RHOT1: variants seen among roughly 807,000 people sequenced by gnomAD.
RHOT1 encodes ras homolog family member T1.
In RHOT1, 27 loss-of-function variants were observed where a neutral mutation model predicts 95.3. The ratio of observed to expected loss-of-function variants is 0.28; its 90% CI spans 0.21 to 0.39. RHOT1 has a LOEUF of 0.39. Among genes scored for constraint, RHOT1 ranks in the 10% least tolerant of loss-of-function variants. The pLI is 1.00. For missense variants in RHOT1, 578 were observed against 786.7 expected, an observed-to-expected ratio of 0.73 and a Z score of 3.17; for synonymous variants, 227 against 263.5, an observed-to-expected ratio of 0.86 and a Z score of 1.34.
intron 14 of RHOT1, among the ~76,000 whole-genome samples, 169 bp downstream of exon 14, chr17:32,201,225 A>C (rs893174431): frequency 2.0e-5 from 3 of 152,096 alleles, no homozygotes; most frequent in African/African-American, 7.2e-5. Context: ...GCTTGATTTT[A>C]TTGTTTATGA....
intron 3 of RHOT1, 147 bp from the exon 4 acceptor site, chr17:32,175,172 C>G: frequency 1.5e-6 from 1 of 655,960 alleles, no homozygotes; most frequent in Non-Finnish European, 2.7e-6. Context: ...CGTAGTTGAA[C>G]CTTTTCCTTC....
At chr17:32,144,614 G>A (rs1174104238) in intron 1 of RHOT1, among the ~76,000 whole-genome samples, 1 of 152,162 alleles carries the variant, frequency 6.6e-6, no homozygotes, top group Admixed American at 6.5e-5. Context: ...CTGGGAGGCT[G>A]AGGCAGGAGG....
intron 1 of RHOT1, among the ~76,000 whole-genome samples, chr17:32,148,341 A>G (rs926067481): frequency 3.9e-5 from 6 of 152,238 alleles, no homozygotes; most frequent in Non-Finnish European, 8.8e-5. Flanking sequence ...CTGTCTTTAA[A>G]TGCAGAGAAA....
At chr17:32,156,854 C>T (rs374804631) in intron 1 of RHOT1, among the ~76,000 whole-genome samples, 2 of 152,242 alleles carry the variant, frequency 1.3e-5, no homozygotes, top group East Asian at 3.8e-4. Flanking sequence ...ATTGTCATGA[C>T]ATTTACCATT....
chr17:32,166,079 T>C (rs1379804457), intron 1 of RHOT1, among the ~76,000 whole-genome samples: 1 of 150,952 alleles, frequency 6.6e-6, no homozygotes. Context: ...TCTCAGCCAC[T>C]CGAGTGGCTG....
intron 1 of RHOT1, among the ~76,000 whole-genome samples, chr17:32,153,355 G>A (rs2032555139): frequency 6.6e-6 from 1 of 152,156 alleles, no homozygotes; most frequent in Admixed American, 6.6e-5. Context: ...TGAGAATATG[G>A]AGATATTTGA....
chr17:32,165,538 T>TGG (rs1490828179), intron 1 of RHOT1, among the ~76,000 whole-genome samples: 1 of 151,720 alleles, frequency 6.6e-6, no homozygotes, highest in Non-Finnish European at 1.5e-5. Context: ...AAAAAAAAGT[T>TGG]ACTGATCTTT....
intron 8 of RHOT1, among the ~76,000 whole-genome samples, chr17:32,184,274 C>G (rs2035864026): frequency 1.3e-5 from 2 of 152,110 alleles, no homozygotes; most frequent in South Asian, 4.1e-4. Flanking sequence ...CACCACCAGT[C>G]TACCTTCTGT....
intron 1 of RHOT1, chr17:32,142,959 G>A (rs943446600): frequency 5.6e-5 from 40 of 715,194 alleles, no homozygotes; most frequent in Non-Finnish European, 9.4e-5. Flanking sequence ...GCCCTCCAGA[G>A]ATCTCCTTTC....
At chr17:32,163,146 T>C (rs1160989677) in intron 1 of RHOT1, among the ~76,000 whole-genome samples, 4 of 152,188 alleles carry the variant, frequency 2.6e-5, no homozygotes, top group Non-Finnish European at 4.4e-5. Flanking sequence ...AGAAAGCGTT[T>C]GATCAGGTGA....
chr17:32,219,704 A>G (rs1466514188), intron 19 of RHOT1, among the ~76,000 whole-genome samples: 2 of 152,228 alleles, frequency 1.3e-5, no homozygotes, highest in African/African-American at 4.8e-5. Flanking sequence ...GGAGAACTTG[A>G]CGTCTGATAC....
chr17:32,208,347 T>TATGAAC, intron 18 of RHOT1, 38 bp downstream of exon 18: 1 of 1,550,166 alleles, frequency 6.5e-7, no homozygotes, highest in Non-Finnish European at 8.9e-7. Context: ...GTTGCATGGT[T>TATGAAC]CATAACATTG....
At chr17:32,200,017 A>G (rs1447125026) in intron 13 of RHOT1, among the ~76,000 whole-genome samples, 2 of 145,638 alleles carry the variant, frequency 1.4e-5, no homozygotes, top group Non-Finnish European at 3.0e-5. Flanking sequence ...ATCTTGGCTC[A>G]CTGCAACTCT....
intron 1 of RHOT1, chr17:32,150,940 G>A: frequency 1.3e-6 from 2 of 1,549,964 alleles, no homozygotes; most frequent in South Asian, 2.4e-5. Context: ...AAGGTATCTG[G>A]TTTGGTTGCT....
chr17:32,193,061 G>C, intron 9 of RHOT1, 75 bp from the exon 10 acceptor site: 1 of 879,662 alleles, frequency 1.1e-6, no homozygotes, highest in East Asian at 2.6e-5. Context: ...ATATTGCTTT[G>C]TAGATTATCA....
At position 32,181,902 on chromosome 17, in the gene RHOT1, G is replaced by C. The variant is rs73286154; in HGVS notation, c.330-855G>C. ...TTTTCTCTTTACTCAGTACTCTGTAGCCATTCTGGCATTTTCCTGTTGTTT... is the reference window on the plus strand; with the variant it reads ...TTTTCTCTTTACTCAGTACTCTGTACCCATTCTGGCATTTTCCTGTTGTTT... On this transcript the variant is annotated intron_variant, in intron 6 of 19. Coordinates refer to ENST00000545287, the MANE Select transcript of RHOT1 (RefSeq NM_001033566.3). Among the ~76,000 whole-genome samples, 1,144 of 152,212 alleles carry C rather than the reference G, an allele frequency of 7.5e-3. 11 individuals carry two copies. Among genetic ancestry groups the C allele is most frequent in the African/African-American group, 0.026 (1,073 of 41,510 alleles).
intron 6 of RHOT1, chr17:32,178,822 C>G (rs1598365589): frequency 6.5e-6 from 1 of 153,358 alleles, no homozygotes; most frequent in East Asian, 1.9e-4. Context: ...AAGTGAGGAG[C>G]ATCTCTGCCT....
chr17:32,223,102 G>A (rs1261220294), intron 19 of RHOT1, among the ~76,000 whole-genome samples: 1 of 151,934 alleles, frequency 6.6e-6, no homozygotes, highest in African/African-American at 2.4e-5. Context: ...ATAGAAACTG[G>A]TGAGGGTGAG....
chr17:32,161,868 A>T (rs1441456742), intron 1 of RHOT1, among the ~76,000 whole-genome samples: 1 of 152,196 alleles, frequency 6.6e-6, no homozygotes, highest in Non-Finnish European at 1.5e-5. Context: ...AAAACTCGGG[A>T]AAGTGCTATA....
Sources: allele counts gnomAD v4.1 joint callset (sites outside exome capture counted in the v4.1 genomes callset), GRCh38; gene constraint gnomAD v4.1.1; transcripts MANE v1.5; gene names NCBI Gene and HGNC (gene_info 2026-07-23, HGNC 2026-07-21).